Variants in KAT6B observed in about 807,000 individuals in gnomAD.
The protein encoded by KAT6B is histone acetyltransferase KAT6B.
Under a neutral mutation model 187.5 loss-of-function variants are expected in KAT6B, and 10 were observed. The observed-to-expected ratio is 0.05, with a 90% CI of 0.03 to 0.09. KAT6B has a LOEUF of 0.09. Ranked by LOEUF, KAT6B falls within the 10% of genes least tolerant of loss-of-function variation. KAT6B has a pLI of 1.00. For missense variants in KAT6B, 1,952 were observed against 2,558.9 expected (o/e 0.76, Z 5.12); for synonymous variants, 861 against 926.8 (o/e 0.93, Z 1.29).
At chr10:74,930,410 A>G (rs2133166534) in intron 3 of KAT6B, among the ~76,000 whole-genome samples, 1 of 152,344 alleles carries the variant, frequency 6.6e-6, no homozygotes, top group East Asian at 1.9e-4. Flanking sequence ...AAAATATTTA[A>G]CAAGAATTGT....
chr10:74,829,578 G>A (rs1003535576), intron 1 of KAT6B, among the ~76,000 whole-genome samples: 3 of 151,518 alleles, frequency 2.0e-5, no homozygotes, highest in Non-Finnish European at 4.4e-5. Context: ...TCAGCTTCCC[G>A]GGTAGCTAGG....
chr10:74,977,226 G>A, intron 8 of KAT6B, 90 bp from the exon 9 acceptor site: 1 of 1,400,366 alleles, frequency 7.1e-7, no homozygotes, highest in Admixed American at 1.8e-5. Flanking sequence ...TATTTGCCCA[G>A]TATGCTAATT....
intron 3 of KAT6B, among the ~76,000 whole-genome samples, chr10:74,879,200 A>T (rs1225575097): frequency 6.6e-6 from 1 of 152,214 alleles, no homozygotes; most frequent in Non-Finnish European, 1.5e-5. Context: ...GGGCAGCATT[A>T]TCTTAGTATT....
At chr10:74,916,948 T>C (rs1257566062) in intron 3 of KAT6B, among the ~76,000 whole-genome samples, 1 of 152,024 alleles carries the variant, frequency 6.6e-6, no homozygotes, top group Non-Finnish European at 1.5e-5. Context: ...TACAAAAAAA[T>C]ACAAAAGTGA....
intron 3 of KAT6B, among the ~76,000 whole-genome samples, chr10:74,935,343 G>A (rs1288241774): frequency 6.6e-6 from 1 of 151,832 alleles, no homozygotes; most frequent in Non-Finnish European, 1.5e-5. Flanking sequence ...AAAGTATTTA[G>A]AATTATATCT....
chr10:75,003,966 G>A (rs1219744691), intron 13 of KAT6B, among the ~76,000 whole-genome samples: 1 of 151,802 alleles, frequency 6.6e-6, no homozygotes, highest in African/African-American at 2.4e-5. Flanking sequence ...TGAAACATAC[G>A]GTCTGCAGTC....
intron 17 of KAT6B, among the ~76,000 whole-genome samples, chr10:75,026,960 A>T (rs1845896633): frequency 6.6e-6 from 1 of 152,076 alleles, no homozygotes; most frequent in Non-Finnish European, 1.5e-5. Context: ...ACATGGTGAA[A>T]CCCCATCTCT....
chr10:75,002,078 T>C (rs925057402), intron 13 of KAT6B, among the ~76,000 whole-genome samples: 1 of 152,106 alleles, frequency 6.6e-6, no homozygotes, highest in African/African-American at 2.4e-5. Context: ...TGGGTATGGG[T>C]AGCAGAGATA....
At chr10:74,837,879 G>C (rs960841394) in intron 1 of KAT6B, among the ~76,000 whole-genome samples, 1 of 144,246 alleles carries the variant, frequency 6.9e-6, no homozygotes, top group Non-Finnish European at 1.5e-5. Context: ...CTGTGATTCT[G>C]CTTGTAGCAA....
intron 7 of KAT6B, among the ~76,000 whole-genome samples, chr10:74,973,786 A>C (rs1841990723): frequency 6.6e-6 from 1 of 152,184 alleles, no homozygotes; most frequent in African/African-American, 2.4e-5. Flanking sequence ...AAAATCTTTC[A>C]TGGTAGTATC....
chr10:74,851,288 T>C (rs1164922423), intron 3 of KAT6B, among the ~76,000 whole-genome samples: 2 of 150,628 alleles, frequency 1.3e-5, no homozygotes, highest in Non-Finnish European at 2.9e-5. Context: ...TTTGTATTTT[T>C]AGTAGAGACA....
At chr10:74,930,211 C>G (rs1245217007) in intron 3 of KAT6B, among the ~76,000 whole-genome samples, 1 of 152,216 alleles carries the variant, frequency 6.6e-6, no homozygotes, top group African/African-American at 2.4e-5. Flanking sequence ...CTGTGAGCCA[C>G]TGTGCCCAGC....
chr10:74,973,959 T>C (rs1393937661), intron 7 of KAT6B, among the ~76,000 whole-genome samples: 2 of 152,202 alleles, frequency 1.3e-5, no homozygotes, highest in East Asian at 3.8e-4. Flanking sequence ...TCCTAACTTT[T>C]TGTTTGTCCA....
At position 74,947,374 on chromosome 10, in the gene KAT6B, G is replaced by A. The variant is rs376111325; in HGVS notation, c.622-12596G>A. Reference sequence around the variant, plus strand: ...TTCTAAATGTGCAAACATTTAAAATGTGTATTTCCCCCCATAACCGTGTGC... The same window carrying A: ...TTCTAAATGTGCAAACATTTAAAATATGTATTTCCCCCCATAACCGTGTGC... On this transcript the variant is annotated intron_variant, in intron 3 of 17. Transcript: ENST00000287239. 7.2e-5 allele frequency among the ~76,000 whole-genome samples: 11 copies of A among 152,286 alleles called. No homozygotes were observed. In the East Asian group the frequency reaches 2.1e-3, roughly 29 times the overall value.
rs3832681 is a variant in KAT6B at position 75,031,177 on chromosome 10, T to TAAAA, written c.*141_*144dup. On this transcript the variant is annotated 3_prime_UTR_variant, in exon 18 of 18. Coordinates refer to ENST00000287239, the MANE Select transcript of KAT6B (RefSeq NM_012330.4). ...AAAACATTTGTTGGCACCATTTATT[T>TAAAA]AAAAAAAAAAAAAGCTGTATGCAGC... 1.4e-5 allele frequency: 12 copies of TAAAA among 886,588 alleles called. No individual in the cohort carries two copies. Among genetic ancestry groups the TAAAA allele is most frequent in the Non-Finnish European group, 2.0e-5 (12 of 587,646 alleles). The allele number at this position is 886,588 out of a possible 1,614,324, so 54.9% of individuals were successfully genotyped here. A position where few individuals can be genotyped will look rare whatever the true frequency, so the allele number is the denominator to read the frequency against.
At chr10:74,990,194 CTCAAAAAAAAAA>C (rs1843044240) in intron 13 of KAT6B, among the ~76,000 whole-genome samples, 1 of 51,042 alleles carries the variant, frequency 2.0e-5, no homozygotes, top group African/African-American at 1.0e-4. Context: ...GAGACTCTGT[CTCAAAAAAAAAA>C]AAAAAAAAAA....
intron 4 of KAT6B, among the ~76,000 whole-genome samples, chr10:74,968,387 T>G (rs942303109): frequency 1.3e-5 from 2 of 152,254 alleles, no homozygotes; most frequent in African/African-American, 4.8e-5. Context: ...GTTTAGAGTT[T>G]TTTTTTTTTA....
chr10:74,932,129 TC>T (rs1385843579), intron 3 of KAT6B, among the ~76,000 whole-genome samples: 1 of 152,160 alleles, frequency 6.6e-6, no homozygotes, highest in African/African-American at 2.4e-5. Flanking sequence ...GGATAGAGAG[TC>T]TGTGCTCTTG....
chr10:74,914,060 C>T (rs113324935), intron 3 of KAT6B, among the ~76,000 whole-genome samples: 3,721 of 152,114 alleles, frequency 0.024, 155 homozygotes, highest in African/African-American at 0.085. Flanking sequence ...GTGGCGGGCA[C>T]CTGTAGTCCC....
Sources: gnomAD v4.1 joint callset for allele counts (sites outside exome capture counted in the v4.1 genomes callset) on GRCh38, gnomAD v4.1.1 for gene constraint, MANE v1.5 for transcripts, NCBI Gene and HGNC (gene_info 2026-07-23, HGNC 2026-07-21) for gene names.